Variants in EYS observed in about 807,000 individuals in gnomAD.
EYS encodes EGF-like photoreceptor maintenance factor, also known as protein eyes shut homolog.
In EYS, 250 loss-of-function variants were observed where a neutral mutation model predicts 282.1. That is an observed-to-expected ratio of 0.89 (90% CI 0.80 to 0.98). The LOEUF is 0.98. Among genes scored for constraint, EYS ranks in the 50% least tolerant of loss-of-function variants. The probability of loss-of-function intolerance (pLI) is 0.00; values close to 1 mark genes in which losing one functional copy is unlikely to be tolerated. For synonymous variants in EYS, 1,355 were observed against 1,282.9 expected (o/e 1.06, Z -1.20); for missense variants, 4,016 against 3,709.0 (o/e 1.08, Z -2.15).
chr6:64,280,694 T>A, intron 30 of EYS, among the ~76,000 whole-genome samples: 1 of 152,064 alleles, frequency 6.6e-6, no homozygotes, highest in East Asian at 1.9e-4. Context: ...CCTGTGAACT[T>A]TAATCACTCC....
intron 12 of EYS, among the ~76,000 whole-genome samples, chr6:65,185,214 A>G (rs188055002): frequency 4.7e-4 from 71 of 151,914 alleles, no homozygotes; most frequent in Middle Eastern, 3.4e-3. Context: ...TACTTATTAC[A>G]TATCTTATGA....
chr6:64,035,226 T>A (rs181732516), intron 33 of EYS, among the ~76,000 whole-genome samples: 3 of 152,316 alleles, frequency 2.0e-5, no homozygotes, highest in Admixed American at 1.3e-4. Context: ...TGAATTCAAT[T>A]TTTCTTCATC....
intron 22 of EYS, among the ~76,000 whole-genome samples, chr6:64,770,989 A>G (rs919376759): frequency 9.9e-5 from 15 of 151,746 alleles, no homozygotes; most frequent in African/African-American, 3.6e-4. Flanking sequence ...AATTGTTTTA[A>G]CTGAGCCCTT....
intron 26 of EYS, among the ~76,000 whole-genome samples, chr6:64,467,248 T>C (rs879104863): frequency 6.6e-6 from 1 of 152,138 alleles, no homozygotes; most frequent in African/African-American, 2.4e-5. Context: ...AACTATCTTA[T>C]TGGCAAAAAT....
intron 12 of EYS, among the ~76,000 whole-genome samples, chr6:65,074,070 A>G (rs1161109027): frequency 6.6e-6 from 1 of 152,034 alleles, no homozygotes; most frequent in Non-Finnish European, 1.5e-5. Flanking sequence ...TGTTCATCTT[A>G]TAATAACTTA....
chr6:64,502,250 TTG>T (rs1777072955), intron 26 of EYS, among the ~76,000 whole-genome samples: 2 of 135,106 alleles, frequency 1.5e-5, no homozygotes, highest in Admixed American at 7.4e-5. Context: ...TTGTTTTGTT[TTG>T]TTTTTTTTGC....
At chr6:65,705,507 A>G (rs1384887746) in intron 1 of EYS, among the ~76,000 whole-genome samples, 3 of 152,178 alleles carry the variant, frequency 2.0e-5, no homozygotes, top group Non-Finnish European at 4.4e-5. Flanking sequence ...CATTAACTCA[A>G]TATTTGTTGA....
intron 22 of EYS, among the ~76,000 whole-genome samples, chr6:64,728,371 G>A: frequency 6.6e-6 from 1 of 151,798 alleles, no homozygotes. Flanking sequence ...GTCTTGCTCT[G>A]TCGCCCAGGC....
At position 64,601,698 on chromosome 6, in the gene EYS, T is replaced by A. The variant is rs371074935; in HGVS notation, c.3685-8389A>T. On this transcript the variant is annotated intron_variant, in intron 24 of 42. Coordinates refer to ENST00000503581, the MANE Select transcript of EYS (RefSeq NM_001142800.2). ...AATAGGAATATTTTAAGAACCTGAA[T>A]AAGATCACATCATTTCCCTTTTGAA... is the stretch of plus-strand genomic sequence containing the variant. 2.0e-5 allele frequency among the ~76,000 whole-genome samples: 3 copies of A among 152,096 alleles called. No individual in the cohort carries two copies. The East Asian group carries it at 5.8e-4, about 29-fold the overall frequency.
At chr6:65,491,832 G>A (rs755578772) in intron 4 of EYS, among the ~76,000 whole-genome samples, 2 of 152,176 alleles carry the variant, frequency 1.3e-5, no homozygotes, top group African/African-American at 4.8e-5. Context: ...AGAGAAGTAC[G>A]CAATTAAGGT....
intron 41 of EYS, among the ~76,000 whole-genome samples, chr6:63,748,339 A>G (rs1176189607): frequency 6.6e-6 from 1 of 152,178 alleles, no homozygotes; most frequent in Non-Finnish European, 1.5e-5. Flanking sequence ...GATAAAGCCT[A>G]CTTGATTTTG....
intron 29 of EYS, among the ~76,000 whole-genome samples, chr6:64,345,582 T>A (rs1771353478): frequency 6.6e-6 from 1 of 151,764 alleles, no homozygotes; most frequent in Non-Finnish European, 1.5e-5. Flanking sequence ...AGGTTAGACC[T>A]AAAACCATAA....
chr6:65,568,969 T>C (rs1764380859), intron 2 of EYS, among the ~76,000 whole-genome samples: 1 of 152,134 alleles, frequency 6.6e-6, no homozygotes, highest in Non-Finnish European at 1.5e-5. Flanking sequence ...CAAACTAACT[T>C]TGTGAGGAAC....
chr6:64,907,839 A>T lies in EYS; in HGVS notation c.2641+4645T>A, dbSNP rs182943047. 3.2e-3 allele frequency among the ~76,000 whole-genome samples: 475 copies of T among 147,404 alleles called. 1 individual carries two copies. Among genetic ancestry groups the T allele is most frequent in the African/African-American group, 6.8e-3 (266 of 39,022 alleles). On this transcript the variant is annotated intron_variant, in intron 16 of 42. Coordinates refer to ENST00000503581, the MANE Select transcript of EYS (RefSeq NM_001142800.2). The stretch of plus-strand genomic sequence containing the variant: ...GCTTGGGTTGTTCCAAAAATAAAAT[A>T]AAAAAAAAAGTCTGAGATAATGATT...
At chr6:64,542,855 A>G (rs895306534) in intron 26 of EYS, among the ~76,000 whole-genome samples, 2 of 152,110 alleles carry the variant, frequency 1.3e-5, no homozygotes, top group African/African-American at 4.8e-5. Context: ...TTCTACTGTC[A>G]CATTTTAGAA....
intron 12 of EYS, among the ~76,000 whole-genome samples, chr6:65,232,297 G>A (rs1050602657): frequency 3.3e-5 from 5 of 152,098 alleles, no homozygotes; most frequent in African/African-American, 1.2e-4. Flanking sequence ...GAAGAAAAAA[G>A]TAATATTTGA....
intron 31 of EYS, among the ~76,000 whole-genome samples, chr6:64,122,917 T>G (rs1773638094): frequency 7.2e-6 from 1 of 139,708 alleles, no homozygotes; most frequent in African/African-American, 3.2e-5. Context: ...TACAAAGCAT[T>G]TTTTTTTTGA....
chr6:64,790,169 G>A (rs947170753), intron 22 of EYS, among the ~76,000 whole-genome samples: 1 of 151,872 alleles, frequency 6.6e-6, no homozygotes, highest in Non-Finnish European at 1.5e-5. Flanking sequence ...GAAAAGAATA[G>A]GCTGTATGTT....
At chr6:65,028,620 A>G (rs1048353005) in intron 13 of EYS, among the ~76,000 whole-genome samples, 8 of 152,048 alleles carry the variant, frequency 5.3e-5, no homozygotes, top group Admixed American at 1.3e-4. Flanking sequence ...ATTCAAATTC[A>G]GGTTTTATAT....
Sources: gnomAD v4.1 joint callset for allele counts (sites outside exome capture counted in the v4.1 genomes callset) on GRCh38, gnomAD v4.1.1 for gene constraint, MANE v1.5 for transcripts, NCBI Gene and HGNC (gene_info 2026-07-23, HGNC 2026-07-21) for gene names.